The following GALNT13 variants were observed in gnomAD, a reference collection of about 807,000 sequenced individuals.
The protein encoded by GALNT13 is UDP-GalNAc:polypeptide N-acetylgalactosaminyltransferase 13.
Under a neutral mutation model 64.2 loss-of-function variants are expected in GALNT13, and 28 were observed. The ratio of observed to expected loss-of-function variants is 0.44; its 90% CI spans 0.32 to 0.60. GALNT13 has a LOEUF of 0.60. GALNT13 is among the 20% of genes least tolerant of loss of function. The pLI, the probability that GALNT13 is intolerant of heterozygous loss-of-function variation, is 0.05. For missense variants in GALNT13, 577 were observed against 669.8 expected (o/e 0.86, Z 1.53); for synonymous variants, 214 against 224.6 (o/e 0.95, Z 0.42).
At chr2:154,373,493 A>G (rs1697814390) in intron 9 of GALNT13, among the ~76,000 whole-genome samples, 1 of 152,290 alleles carries the variant, frequency 6.6e-6, no homozygotes, top group Admixed American at 6.5e-5. Flanking sequence ...CAGACCTTCA[A>G]TCTGCTTAGA....
chr2:153,136,954 G>A, the GALNT13 span, among the ~76,000 whole-genome samples: 2 of 151,876 alleles, frequency 1.3e-5, no homozygotes, highest in East Asian at 1.9e-4. Flanking sequence ...TGAGGATGTT[G>A]CTGTCAGGTA....
intron 7 of GALNT13, among the ~76,000 whole-genome samples, chr2:154,253,478 C>T (rs905764439): frequency 6.6e-6 from 1 of 152,086 alleles, no homozygotes; most frequent in Non-Finnish European, 1.5e-5. Flanking sequence ...TACATAGTTA[C>T]AAAGCTTCAT....
chr2:153,684,810 C>T, the GALNT13 span, among the ~76,000 whole-genome samples: 1 of 151,780 alleles, frequency 6.6e-6, no homozygotes, highest in Non-Finnish European at 1.5e-5. Flanking sequence ...CTCCCACCCT[C>T]CATCTTCCAA....
the GALNT13 span, among the ~76,000 whole-genome samples, chr2:153,714,406 C>T: frequency 1.3e-5 from 2 of 152,154 alleles, no homozygotes; most frequent in African/African-American, 4.8e-5. Flanking sequence ...TTAATAAAGT[C>T]TACCTTTTTC....
chr2:154,062,818 C>T (rs1319523943), intron 3 of GALNT13, among the ~76,000 whole-genome samples: 1 of 151,106 alleles, frequency 6.6e-6, no homozygotes, highest in Non-Finnish European at 1.5e-5. Flanking sequence ...TTAATGACCC[C>T]AAATGTTTCA....
intron 3 of GALNT13, among the ~76,000 whole-genome samples, chr2:153,970,003 C>A (rs895348042): frequency 8.5e-5 from 13 of 152,112 alleles, no homozygotes; most frequent in Non-Finnish European, 1.5e-4. Flanking sequence ...AACATATTCA[C>A]CATTATTAGA....
the GALNT13 span, among the ~76,000 whole-genome samples, chr2:153,333,850 A>G: frequency 3.8e-4 from 58 of 152,336 alleles, 1 homozygote; most frequent in Middle Eastern, 6.8e-3. Context: ...GCATCTCCAA[A>G]ATAATTGTGT....
chr2:154,193,582 T>C (rs1267241559), intron 4 of GALNT13, among the ~76,000 whole-genome samples: 2 of 152,192 alleles, frequency 1.3e-5, no homozygotes, highest in Admixed American at 1.3e-4. Context: ...GTGACAGCCT[T>C]GTCCTGACAG....
At chr2:154,106,645 A>G (rs1237080356) in intron 3 of GALNT13, among the ~76,000 whole-genome samples, 1 of 151,894 alleles carries the variant, frequency 6.6e-6, no homozygotes, top group South Asian at 2.1e-4. Flanking sequence ...TTATTATAGA[A>G]GTCAGGTAGT....
chr2:153,089,656 C>CT, the GALNT13 span, among the ~76,000 whole-genome samples: 2 of 151,744 alleles, frequency 1.3e-5, no homozygotes, highest in African/African-American at 2.4e-5. Context: ...TTATTGGAGG[C>CT]TTTTTTTAAT....
the GALNT13 span, among the ~76,000 whole-genome samples, chr2:153,552,330 G>T: frequency 6.6e-6 from 1 of 152,160 alleles, no homozygotes; most frequent in African/African-American, 2.4e-5. Flanking sequence ...TTAAAAATAT[G>T]TTGATGAGAA....
intron 1 of GALNT13, among the ~76,000 whole-genome samples, chr2:153,900,496 C>A (rs11883696): frequency 0.71 from 107,615 of 152,008 alleles, 38,454 homozygotes; most frequent in East Asian, 0.96. Context: ...TAAATCAAGC[C>A]AAATTCTTTT....
chr2:153,267,062 T>C, the GALNT13 span, among the ~76,000 whole-genome samples: 2 of 152,228 alleles, frequency 1.3e-5, no homozygotes, highest in Non-Finnish European at 2.9e-5. Flanking sequence ...ACAGGCCCCA[T>C]GCAAGTTTGA....
chr2:153,913,710 C>T (rs115451707), intron 2 of GALNT13, among the ~76,000 whole-genome samples: 6 of 152,128 alleles, frequency 3.9e-5, no homozygotes, highest in Non-Finnish European at 1.5e-5. Context: ...TGCAGGAGTT[C>T]TTCGGGGCCA....
chr2:153,251,700 T>C, the GALNT13 span, among the ~76,000 whole-genome samples: 1 of 146,770 alleles, frequency 6.8e-6, no homozygotes, highest in Admixed American at 7.1e-5. Flanking sequence ...AGTTCCCACG[T>C]ATGAGTGAGA....
the GALNT13 span, among the ~76,000 whole-genome samples, chr2:153,502,960 C>A: frequency 1.3e-5 from 2 of 152,082 alleles, no homozygotes; most frequent in South Asian, 2.1e-4. Flanking sequence ...TGTTTGAATT[C>A]TTTGTAGATC....
chr2:153,470,340 C>G, the GALNT13 span, among the ~76,000 whole-genome samples: 1 of 152,110 alleles, frequency 6.6e-6, no homozygotes, highest in Non-Finnish European at 1.5e-5. Context: ...GTTCTCTCTC[C>G]TCTCACCAGA....
intron 4 of GALNT13, 117 bp downstream of exon 4, chr2:154,140,622 A>G (rs1163826841): frequency 4.3e-5 from 27 of 627,474 alleles, no homozygotes; most frequent in Non-Finnish European, 6.9e-5. Flanking sequence ...CTGAGTACCT[A>G]TCACATAGCA....
chr2:153,284,963 A>G, the GALNT13 span, among the ~76,000 whole-genome samples: 1 of 151,682 alleles, frequency 6.6e-6, no homozygotes, highest in South Asian at 2.1e-4. Flanking sequence ...ATGTGCATTC[A>G]TGTACATGTA....
Sources: gnomAD v4.1 joint callset for allele counts (sites outside exome capture counted in the v4.1 genomes callset) on GRCh38, gnomAD v4.1.1 for gene constraint, MANE v1.5 for transcripts, NCBI Gene and HGNC (gene_info 2026-07-23, HGNC 2026-07-21) for gene names.